Variants in PLS3 observed in about 807,000 individuals in gnomAD.
PLS3 encodes the protein plastin-3.
A neutral mutation model predicts 46.5 loss-of-function variants in PLS3; 11 were observed. That is an observed-to-expected ratio of 0.24 (90% confidence interval 0.15 to 0.39). The LOEUF is 0.39. Ranked by LOEUF, PLS3 falls within the 10% of genes least tolerant of loss-of-function variation. PLS3 has a pLI of 1.00. For missense variants in PLS3, 308 were observed against 461.8 expected (o/e 0.67, Z 3.05); for synonymous variants, 167 against 162.2 (o/e 1.03, Z -0.22).
chrX:115,584,573 C>T (rs1172472083), intron 1 of PLS3, among the ~76,000 whole-genome samples: 3 of 111,548 alleles, frequency 2.7e-5, no homozygotes, highest in Non-Finnish European at 5.6e-5. Context: ...TGATCATTTT[C>T]AGTTTTCATT....
intron 1 of PLS3, among the ~76,000 whole-genome samples, chrX:115,588,929 A>T (rs1385201861): frequency 2.7e-5 from 3 of 111,503 alleles, no homozygotes; most frequent in African/African-American, 9.8e-5. Context: ...TAAAATTTTG[A>T]TTACTTAGTT....
At chrX:115,614,474 A>C in intron 2 of PLS3, 1 of 750,992 alleles carries the variant, frequency 1.3e-6, no homozygotes, top group Non-Finnish European at 1.6e-6. Context: ...CCTCCAGTCT[A>C]CCCTTAGCTG....
Position 115,630,027 on chromosome X carries a change from A to G in PLS3, c.500+60A>G. ...AAAAATAGCCTTCCATATAATTGAT[A>G]TATTTGTTTCTGCATGCTTGACAGG... On this transcript the variant is annotated intron_variant, in intron 5 of 15. Coordinates refer to ENST00000355899, the MANE Select transcript of PLS3 (RefSeq NM_005032.7). 5 of 884,512 alleles carry G rather than the reference A, an allele frequency of 5.7e-6. No homozygotes were observed. In the South Asian group the frequency reaches 1.3e-4, roughly 24 times the overall value. 72.9% of individuals were successfully genotyped at this position (884,512 alleles called of 1,213,427 possible).
chrX:115,604,179 A>G (rs2074469986), intron 1 of PLS3, among the ~76,000 whole-genome samples: 1 of 111,741 alleles, frequency 8.9e-6, no homozygotes, highest in Non-Finnish European at 1.9e-5. Context: ...AAGACTTGTA[A>G]TTTTTATATA....
chrX:115,630,987 A>G (rs2074767558), intron 5 of PLS3, among the ~76,000 whole-genome samples: 1 of 98,235 alleles, frequency 1.0e-5, no homozygotes, highest in South Asian at 4.1e-4. Flanking sequence ...TATATAATAT[A>G]TGTATATATA....
chrX:115,572,696 C>T (rs1389834989), intron 1 of PLS3, among the ~76,000 whole-genome samples: 1 of 111,597 alleles, frequency 9.0e-6, no homozygotes, highest in Non-Finnish European at 1.9e-5. Context: ...CTGTTAGGTG[C>T]TAGGGCTACA....
intron 1 of PLS3, among the ~76,000 whole-genome samples, chrX:115,599,206 A>G (rs1225788207): frequency 2.8e-5 from 3 of 108,652 alleles, no homozygotes; most frequent in African/African-American, 1.0e-4. Context: ...TTTTCTGGGA[A>G]GAGTAGTTAA....
intron 5 of PLS3, among the ~76,000 whole-genome samples, chrX:115,630,811 AAT>A (rs1217367661): frequency 1.1e-5 from 1 of 94,707 alleles, no homozygotes; most frequent in Non-Finnish European, 2.0e-5. Flanking sequence ...ATATATGTAT[AAT>A]ATATATAATA....
intron 1 of PLS3, among the ~76,000 whole-genome samples, chrX:115,567,010 T>C (rs1477284601): frequency 8.9e-6 from 1 of 112,280 alleles, no homozygotes; most frequent in Non-Finnish European, 1.9e-5. Context: ...TTACCTCAAA[T>C]ATTGTGCAAG....
rs181977586 is a variant in PLS3, at chrX:115,561,628, C to T, written c.-9+368C>T. Among the ~76,000 whole-genome samples, 462 of 111,975 alleles carry T rather than the reference C, an allele frequency of 4.1e-3. 2 individuals are homozygous for T. The highest frequency in any genetic ancestry group is 6.0e-3 in the Non-Finnish European group (321 of 53,120). On this transcript the variant is annotated intron_variant, in intron 1 of 15. Coordinates refer to ENST00000355899, the MANE Select transcript of PLS3 (RefSeq NM_005032.7). The stretch of plus-strand genomic sequence containing the variant: ...CCCTGATTCCCCTCCGCGGCTGCGG[C>T]CCCGAAGTGGAAAGGGAGCGCACAA...
intron 1 of PLS3, among the ~76,000 whole-genome samples, chrX:115,607,200 C>T (rs1000914125): frequency 1.0e-4 from 11 of 110,543 alleles, no homozygotes; most frequent in Admixed American, 2.9e-4. Context: ...AAGTCAAGGT[C>T]GCAGTAAGCC....
At chrX:115,567,523 G>A (rs1220868145) in intron 1 of PLS3, among the ~76,000 whole-genome samples, 1 of 109,813 alleles carries the variant, frequency 9.1e-6, no homozygotes, top group Non-Finnish European at 1.9e-5. Context: ...CCTGGGAGGC[G>A]GAGGTTACAG....
intron 1 of PLS3, among the ~76,000 whole-genome samples, chrX:115,578,380 A>T (rs1302968108): frequency 2.7e-5 from 3 of 112,068 alleles, no homozygotes; most frequent in Non-Finnish European, 5.6e-5. Context: ...TGGAGTCATG[A>T]ACTGACTATA....
chrX:115,643,736 C>T (rs1004304237), intron 10 of PLS3, among the ~76,000 whole-genome samples: 8 of 111,523 alleles, frequency 7.2e-5, no homozygotes, highest in African/African-American at 1.6e-4. Flanking sequence ...TTTGGGAGGC[C>T]GACATGGGCG....
intron 1 of PLS3, 115 bp from the exon 2 acceptor site, chrX:115,610,127 GA>G (rs1446348392): frequency 3.0e-6 from 1 of 337,291 alleles, no homozygotes; most frequent in Non-Finnish European, 5.2e-6. Context: ...AACCTATTCA[GA>G]TTGTTTTGAT....
intron 1 of PLS3, among the ~76,000 whole-genome samples, chrX:115,566,859 A>G (rs1279908526): frequency 1.9e-5 from 2 of 107,174 alleles, no homozygotes; most frequent in African/African-American, 6.9e-5. Flanking sequence ...TTGTATTTTT[A>G]GTAGAAATGG....
intron 1 of PLS3, among the ~76,000 whole-genome samples, chrX:115,570,185 T>C (rs1265393005): frequency 9.0e-6 from 1 of 110,884 alleles, no homozygotes; most frequent in African/African-American, 3.3e-5. Flanking sequence ...TCCACCTGCG[T>C]TGGCCTCCCA....
rs1395774536 is a variant in PLS3 at position 115,616,662 on chromosome X, T to G, written c.74-5584T>G. On this transcript the variant is annotated intron_variant, in intron 2 of 15. Transcript: ENST00000355899. Reference sequence around the variant, plus strand: ...AAGGATGTGTTTTTGGTTTTTTGACTGAGGGTTCGAAATAAAATTAGCATA... The same window carrying G: ...AAGGATGTGTTTTTGGTTTTTTGACGGAGGGTTCGAAATAAAATTAGCATA... 5.4e-5 allele frequency among the ~76,000 whole-genome samples: 6 copies of G among 111,802 alleles called. No individual in the cohort carries two copies. The East Asian group carries it at 1.7e-3, about 31-fold the overall frequency.
intron 3 of PLS3, 99 bp from the exon 4 acceptor site, chrX:115,629,099 G>GA (rs1373985267): frequency 3.3e-6 from 2 of 610,840 alleles, no homozygotes; most frequent in Non-Finnish European, 4.9e-6. Flanking sequence ...ATCAGCTATG[G>GA]AAAAAATGTA....
Sources: allele counts gnomAD v4.1 joint callset (sites outside exome capture counted in the v4.1 genomes callset), GRCh38; gene constraint gnomAD v4.1.1; transcripts MANE v1.5; gene names NCBI Gene and HGNC (gene_info 2026-07-23, HGNC 2026-07-21).